TMEM132D: variants seen among roughly 807,000 people sequenced by gnomAD.
TMEM132D encodes transmembrane protein 132D.
TMEM132D carries 21 observed loss-of-function variants against 62.3 expected under a neutral mutation model. The ratio of observed to expected loss-of-function variants is 0.34; its 90% CI spans 0.24 to 0.49. The LOEUF is 0.49. Among genes scored for constraint, TMEM132D ranks in the 20% least tolerant of loss-of-function variants. The probability of loss-of-function intolerance (pLI) is 0.99; values close to 1 mark genes in which losing one functional copy is unlikely to be tolerated. For missense variants in TMEM132D, 1,346 were observed against 1,402.8 expected (o/e 0.96, Z 0.65); for synonymous variants, 621 against 575.6 (o/e 1.08, Z -1.13).
intron 5 of TMEM132D, among the ~76,000 whole-genome samples, chr12:129,174,362 G>A (rs962497154): frequency 6.6e-6 from 1 of 152,126 alleles, no homozygotes; most frequent in Non-Finnish European, 1.5e-5. Context: ...CTTTGCTGAG[G>A]ATGATGGTTT....
chr12:129,139,514 C>A (rs1457629471), intron 5 of TMEM132D, among the ~76,000 whole-genome samples: 1 of 152,126 alleles, frequency 6.6e-6, no homozygotes, highest in African/African-American at 2.4e-5. Flanking sequence ...AGAAAGGGAT[C>A]TTTTTACCCA....
At chr12:129,697,052 C>T (rs1394024337) in intron 2 of TMEM132D, among the ~76,000 whole-genome samples, 1 of 152,174 alleles carries the variant, frequency 6.6e-6, no homozygotes, top group Non-Finnish European at 1.5e-5. Context: ...CTTCAGCCGT[C>T]GCATGCCCCT....
intron 5 of TMEM132D, among the ~76,000 whole-genome samples, chr12:129,151,522 G>A (rs917977208): frequency 2.6e-5 from 4 of 152,156 alleles, no homozygotes; most frequent in African/African-American, 9.7e-5. Flanking sequence ...GTCATGCGAC[G>A]CTCACCACAC....
At chr12:129,383,605 A>C (rs1356976876) in intron 3 of TMEM132D, among the ~76,000 whole-genome samples, 1 of 151,962 alleles carries the variant, frequency 6.6e-6, no homozygotes, top group African/African-American at 2.4e-5. Context: ...CACCTGGCTA[A>C]TTTTTGTATT....
chr12:129,355,821 C>T (rs1490380238), intron 3 of TMEM132D, among the ~76,000 whole-genome samples: 1 of 152,178 alleles, frequency 6.6e-6, no homozygotes, highest in Admixed American at 6.5e-5. Flanking sequence ...TGCCCACAAG[C>T]GCAAAGAGCC....
chr12:129,646,193 A>G (rs1356378523), intron 2 of TMEM132D, among the ~76,000 whole-genome samples: 1 of 152,218 alleles, frequency 6.6e-6, no homozygotes, highest in African/African-American at 2.4e-5. Context: ...ACTTTGGCTT[A>G]TAACAGCTCC....
At chr12:129,096,388 C>T (rs887060747) in intron 5 of TMEM132D, among the ~76,000 whole-genome samples, 1 of 152,040 alleles carries the variant, frequency 6.6e-6, no homozygotes, top group Non-Finnish European at 1.5e-5. Context: ...AAGGGAAGGA[C>T]CCAGGATGGC....
chr12:129,421,939 C>A (rs776109205), intron 3 of TMEM132D, among the ~76,000 whole-genome samples: 1 of 151,970 alleles, frequency 6.6e-6, no homozygotes, highest in Admixed American at 6.6e-5. Context: ...GTGTGTCTAC[C>A]AAAGTGAAGG....
At chr12:129,758,403 C>T (rs1870241179) in intron 1 of TMEM132D, among the ~76,000 whole-genome samples, 1 of 152,130 alleles carries the variant, frequency 6.6e-6, no homozygotes, top group Non-Finnish European at 1.5e-5. Context: ...AGATTTCATG[C>T]TGTAAGCTCT....
chr12:129,613,567 A>C (rs566340455), intron 2 of TMEM132D, among the ~76,000 whole-genome samples: 6 of 152,360 alleles, frequency 3.9e-5, no homozygotes, highest in Admixed American at 2.6e-4. Context: ...ACCCCAGTTT[A>C]AACTATGCAG....
chr12:129,293,463 T>G (rs1313863142), intron 4 of TMEM132D, among the ~76,000 whole-genome samples: 1 of 152,078 alleles, frequency 6.6e-6, no homozygotes, highest in East Asian at 1.9e-4. Flanking sequence ...CAAAGACGGG[T>G]GGCGGGATGG....
chr12:129,320,994 C>G (rs766873266), intron 4 of TMEM132D, among the ~76,000 whole-genome samples: 5 of 152,164 alleles, frequency 3.3e-5, no homozygotes, highest in Non-Finnish European at 5.9e-5. Flanking sequence ...ACCTACCTAC[C>G]TACCTGTCAT....
chr12:129,445,933 C>T (rs1873083308), intron 3 of TMEM132D, among the ~76,000 whole-genome samples: 1 of 152,164 alleles, frequency 6.6e-6, no homozygotes, highest in South Asian at 2.1e-4. Context: ...CAGCAAAGTC[C>T]TCAGCGTATC....
At chr12:129,880,757 TAG>T (rs1874565105) in intron 1 of TMEM132D, among the ~76,000 whole-genome samples, 1 of 149,972 alleles carries the variant, frequency 6.7e-6, no homozygotes, top group Admixed American at 6.6e-5. Context: ...AGAGATAAAA[TAG>T]AGTTATTAAC....
chr12:129,406,892 A>G (rs189451482), intron 3 of TMEM132D, among the ~76,000 whole-genome samples: 16 of 152,364 alleles, frequency 1.1e-4, no homozygotes, highest in Admixed American at 7.8e-4. Flanking sequence ...TTTTGTCTGC[A>G]GCCTCTTAAT....
At chr12:129,807,097 G>C (rs1405046646) in intron 1 of TMEM132D, among the ~76,000 whole-genome samples, 1 of 151,942 alleles carries the variant, frequency 6.6e-6, no homozygotes, top group Non-Finnish European at 1.5e-5. Context: ...GAAAATGAGA[G>C]GATTTTACAT....
chr12:129,416,871 C>A lies in TMEM132D; in HGVS notation c.1116-79054G>T, dbSNP rs200513756. 4.6e-5 allele frequency among the ~76,000 whole-genome samples: 7 copies of A among 152,212 alleles called. No homozygotes were observed. In the East Asian group the frequency reaches 1.2e-3, roughly 25 times the overall value. On this transcript the variant is annotated intron_variant, in intron 3 of 8. Coordinates refer to ENST00000422113, the MANE Select transcript of TMEM132D (RefSeq NM_133448.3). ...TACTGATTTGTGTATATTGAACCAG[C>A]CTTGCATCCCAGGGGTGAAGCCAAC...
At chr12:129,849,233 C>G (rs1873456016) in intron 1 of TMEM132D, among the ~76,000 whole-genome samples, 1 of 152,168 alleles carries the variant, frequency 6.6e-6, no homozygotes, top group East Asian at 1.9e-4. Context: ...TTCCCAAACC[C>G]AAGTGTATCC....
intron 4 of TMEM132D, among the ~76,000 whole-genome samples, chr12:129,303,727 T>C (rs1232987390): frequency 6.6e-6 from 1 of 150,490 alleles, no homozygotes; most frequent in African/African-American, 2.4e-5. Context: ...CATATGATTA[T>C]GGAGGCTGAG....
Sources: allele counts gnomAD v4.1 joint callset (sites outside exome capture counted in the v4.1 genomes callset), GRCh38; gene constraint gnomAD v4.1.1; transcripts MANE v1.5; gene names NCBI Gene and HGNC (gene_info 2026-07-23, HGNC 2026-07-21).